LRRK2: variants seen among roughly 807,000 people sequenced by gnomAD.
The protein encoded by LRRK2 is leucine-rich repeat serine/threonine-protein kinase 2.
LRRK2 carries 203 observed loss-of-function variants against 302.6 expected under a neutral mutation model. The observed-to-expected ratio is 0.67, with a 90% CI of 0.60 to 0.75. The LOEUF (loss-of-function observed/expected upper bound fraction) is 0.75. LRRK2 is among the 30% of genes least tolerant of loss of function. LRRK2 has a pLI of 0.00. For synonymous variants in LRRK2, 1,066 were observed against 1,031.9 expected (o/e 1.03, Z -0.63); for missense variants, 2,830 against 2,951.0 (o/e 0.96, Z 0.95).
chr12:40,361,118 G>T (rs1946691961), intron 47 of LRRK2, among the ~76,000 whole-genome samples: 1 of 152,004 alleles, frequency 6.6e-6, no homozygotes, highest in African/African-American at 2.4e-5. Context: ...AGTTAAGCCT[G>T]GGATGGGGAT....
chr12:40,287,272 G>A (rs183838704), intron 19 of LRRK2, 79 bp from the exon 20 acceptor site: 85 of 1,258,760 alleles, frequency 6.8e-5, no homozygotes, highest in Middle Eastern at 1.9e-4. Context: ...ATAGCAATAC[G>A]TAAGAACTTT....
At chr12:40,277,673 G>A (rs1943517162) in intron 16 of LRRK2, among the ~76,000 whole-genome samples, 1 of 152,036 alleles carries the variant, frequency 6.6e-6, no homozygotes, top group African/African-American at 2.4e-5. Flanking sequence ...TTGTTAACTA[G>A]CATTTTATTC....
At chr12:40,357,729 A>G (rs1292858653) in intron 46 of LRRK2, among the ~76,000 whole-genome samples, 2 of 151,968 alleles carry the variant, frequency 1.3e-5, no homozygotes, top group African/African-American at 2.4e-5. Context: ...TCCATTGGCC[A>G]TTACTATGTC....
chr12:40,229,990 A>G (rs1941101020), intron 2 of LRRK2, among the ~76,000 whole-genome samples: 1 of 122,842 alleles, frequency 8.1e-6, no homozygotes, highest in Admixed American at 9.5e-5. Flanking sequence ...TTTTACCACC[A>G]GAAGCTGTTC....
chr12:40,309,249 C>T lies in LRRK2; in HGVS notation c.4317+16C>T, dbSNP rs111393147. ...CAATATAAAGGTGATTTGTTCTGAT[C>T]ATTTGAAAATAGAAAATAATTCATG... On this transcript the variant is annotated intron_variant, in intron 30 of 50. Transcript: ENST00000298910. 2.5e-6 allele frequency: 4 copies of T among 1,610,164 alleles called. No individual in the cohort carries two copies. Among genetic ancestry groups the T allele is most frequent in the Admixed American group, 1.7e-5 (1 of 59,406 alleles).
chr12:40,305,606 G>T (rs888488750), intron 27 of LRRK2, among the ~76,000 whole-genome samples, 179 bp from the exon 28 acceptor site: 1 of 152,068 alleles, frequency 6.6e-6, no homozygotes, highest in Admixed American at 6.6e-5. Context: ...AAGTTTTTAT[G>T]TTTTTAAACA....
intron 2 of LRRK2, among the ~76,000 whole-genome samples, chr12:40,229,983 T>TTAC (rs1555172439): frequency 7.4e-6 from 1 of 135,174 alleles, no homozygotes; most frequent in African/African-American, 2.8e-5. Flanking sequence ...TTTTTTTTTT[T>TTAC]ACCACCAGAA....
chr12:40,309,137 T>C lies in LRRK2; in HGVS notation c.4221T>C (p.His1407=), dbSNP rs376175718. Residue 1407 remains histidine, a synonymous_variant, in exon 30 of 51, where the codon CAT becomes CAC. Coordinates refer to ENST00000298910, the MANE Select transcript of LRRK2 (RefSeq NM_198578.4). The part of the protein sequence containing the change: ...GREEFYSTHP[H]FMTQRALYLA... ...AGGAATTCTATAGTACTCATCCCCA[T>C]TTTATGACGCAGCGAGCATTGTACC... The C allele has an allele frequency of 1.1e-5, 17 of 1,613,776 alleles. No individual in the cohort carries two copies. The highest frequency in any genetic ancestry group is 1.4e-5 in the Non-Finnish European group (17 of 1,179,858).
At chr12:40,301,278 G>C (rs1036545333) in intron 25 of LRRK2, among the ~76,000 whole-genome samples, 8 of 152,072 alleles carry the variant, frequency 5.3e-5, no homozygotes, top group Non-Finnish European at 1.2e-4. Context: ...ACAAAAATTA[G>C]CTGGGTGTGG....
chr12:40,259,527 C>T lies in LRRK2; in HGVS notation c.1466C>T (p.Thr489Ile). Reference sequence around the variant, plus strand: ...GCAGCAGTGGTCCCCAAAATACTAACAGTTATGAAACGTCATGAGACATCA... The same window carrying T: ...GCAGCAGTGGTCCCCAAAATACTAATAGTTATGAAACGTCATGAGACATCA... ...IMAAVVPKIL[T>I]VMKRHETSLP... is the part of the protein sequence containing the mutation. The change falls in exon 13 of 51, where the codon ACA becomes ATA. Residue 489 changes from threonine (T) to isoleucine (I), a missense_variant. Thr to Ile is a moderately conservative substitution (Grantham distance 89). Around this residue, in one of 3 missense-constraint regions of LRRK2, gnomAD observed 2,121 missense variants for 2,148.0 expected, o/e 0.99. Coordinates refer to ENST00000298910, the MANE Select transcript of LRRK2 (RefSeq NM_198578.4). The T allele has an allele frequency of 6.2e-7, 1 of 1,613,344 alleles. No homozygotes were observed. Among genetic ancestry groups the T allele is most frequent in the Non-Finnish European group, 8.5e-7 (1 of 1,179,508 alleles).
At chr12:40,351,455 A>C in intron 43 of LRRK2, 84 bp from the exon 44 acceptor site, 1 of 1,351,958 alleles carries the variant, frequency 7.4e-7, no homozygotes, top group Non-Finnish European at 1.0e-6. Flanking sequence ...TGACAGAGCT[A>C]TAACACTTCA....
intron 11 of LRRK2, among the ~76,000 whole-genome samples, chr12:40,255,905 A>G (rs1250545220): frequency 6.6e-6 from 1 of 152,156 alleles, no homozygotes; most frequent in African/African-American, 2.4e-5. Flanking sequence ...CTCTGGCAGT[A>G]TTTTAGAATG....
At position 40,225,580 on chromosome 12, in the gene LRRK2, T is replaced by A. The variant is rs150422099; in HGVS notation, c.177T>A (p.Asn59Lys). ...CCTCCAAGTTATTTCAAGGCAAAAA[T>A]ATCCATGTGCCTCTGTTGATCGTCT... The part of the protein sequence containing the change: ...ERASKLFQGK[N>K]IHVPLLIVLD... The change falls in exon 2 of 51, where the codon AAT (asparagine) becomes AAA (lysine). Residue 59 changes from asparagine to lysine, a missense_variant. Transcript: ENST00000298910. 181 of 1,614,060 alleles carry A rather than the reference T, an allele frequency of 1.1e-4. No homozygotes were observed. Among genetic ancestry groups the A allele is most frequent in the Middle Eastern group, 4.9e-4 (3 of 6,084 alleles).
intron 43 of LRRK2, among the ~76,000 whole-genome samples, chr12:40,351,292 C>A (rs901277604): frequency 1.9e-4 from 29 of 152,162 alleles, no homozygotes; most frequent in Non-Finnish European, 3.5e-4. Context: ...TTGAGATTTT[C>A]TTTTCAAGTT....
chr12:40,367,686 A>C lies in LRRK2; in HGVS notation c.7505A>C (p.His2502Pro). 6.2e-7 allele frequency: 1 copy of C among 1,604,232 alleles called. No individual in the cohort carries two copies. Among genetic ancestry groups the C allele is most frequent in the Non-Finnish European group, 8.5e-7 (1 of 1,174,226 alleles). Reference sequence around the variant, plus strand: ...ACCGTTTGGGACATCAATCTTCCACATGAAGTGCAAAATTTAGAAAAACAC... The same window carrying C: ...ACCGTTTGGGACATCAATCTTCCACCTGAAGTGCAAAATTTAGAAAAACAC... The part of the protein sequence containing the change: ...CLTVWDINLP[H>P]EVQNLEKHIE... Residue 2502 changes from histidine (H) to proline (P), a missense_variant, in exon 51 of 51, where the codon CAT becomes CCT. Around this residue, in one of 3 missense-constraint regions of LRRK2, gnomAD observed 456 missense variants for 456.3 expected, o/e 1.00. Transcript: ENST00000298910.
At position 40,322,632 on chromosome 12, in the gene LRRK2, A is replaced by G. The variant is rs17444054; in HGVS notation, c.5509+122A>G. On this transcript the variant is annotated intron_variant, in intron 37 of 50. Transcript: ENST00000298910. ...GAGTTGAAAAATAGTATATTCAATT[A>G]TAGGGACAGTTCAGAAAACTGAATT... The G allele has an allele frequency of 0.039, 32,082 of 825,596 alleles. 1,742 individuals carry two copies. The highest frequency in any genetic ancestry group is 0.17 in the Admixed American group (7,693 of 44,374). The allele number at this position is 825,596 out of a possible 1,614,324, so 51.1% of individuals were successfully genotyped here.
At chr12:40,254,199 C>T (rs1196494315) in intron 11 of LRRK2, among the ~76,000 whole-genome samples, 2 of 152,076 alleles carry the variant, frequency 1.3e-5, no homozygotes, top group Non-Finnish European at 2.9e-5. Context: ...TAGAGAAAAA[C>T]ACTGAAAGTC....
chr12:40,325,651 C>G (rs1945526486), intron 38 of LRRK2, among the ~76,000 whole-genome samples: 1 of 152,164 alleles, frequency 6.6e-6, no homozygotes, highest in African/African-American at 2.4e-5. Flanking sequence ...TAGGTGTATC[C>G]TTCTAAAAAC....
At chr12:40,260,325 A>T (rs908776526) in intron 13 of LRRK2, among the ~76,000 whole-genome samples, 22 of 151,936 alleles carry the variant, frequency 1.4e-4, no homozygotes, top group Non-Finnish European at 2.9e-5. Context: ...TGCATATATA[A>T]AAGGCTTTGA....
Sources: gnomAD v4.1 joint callset for allele counts (sites outside exome capture counted in the v4.1 genomes callset) on GRCh38, gnomAD v4.1.1 for gene constraint, gnomAD v4.1.1 regional missense constraint, MANE v1.5 for transcripts, NCBI Gene and HGNC (gene_info 2026-07-23, HGNC 2026-07-21) for gene names.